GCLC: variants seen among roughly 807,000 people sequenced by gnomAD.
GCLC encodes the protein glutamate-cysteine ligase catalytic subunit.
In GCLC, 30 loss-of-function variants were observed where a neutral mutation model predicts 81.5. That is an observed-to-expected ratio of 0.37 (90% CI 0.28 to 0.50). The LOEUF is 0.50. Ranked by LOEUF, GCLC falls within the 20% of genes least tolerant of loss-of-function variation. The probability of loss-of-function intolerance (pLI) is 0.96; values close to 1 mark genes in which losing one functional copy is unlikely to be tolerated. For missense variants in GCLC, 556 were observed against 777.4 expected (o/e 0.72, Z 3.39); for synonymous variants, 262 against 273.3 (o/e 0.96, Z 0.41).
At chr6:53,533,761 C>T (rs502862) in intron 1 of GCLC, among the ~76,000 whole-genome samples, 95,745 of 151,178 alleles carry the variant, frequency 0.63, 30,774 homozygotes, top group African/African-American at 0.73. Context: ...AATGAGGAAA[C>T]TGTGGTCCAA....
intron 3 of GCLC, 86 bp downstream of exon 3, chr6:53,520,692 A>C: frequency 9.5e-7 from 1 of 1,047,160 alleles, no homozygotes; most frequent in Non-Finnish European, 1.5e-6. Flanking sequence ...GAGGATTGTA[A>C]GGTGGAATGC....
At chr6:53,521,871 G>A (rs1350718565) in intron 2 of GCLC, among the ~76,000 whole-genome samples, 1 of 152,186 alleles carries the variant, frequency 6.6e-6, no homozygotes, top group Non-Finnish European at 1.5e-5. Context: ...CTACTCGGGA[G>A]GGTGAGGCAG....
At position 53,498,639 on chromosome 6, in the gene GCLC, G is replaced by A. The variant is rs940483223; in HGVS notation, c.*117C>T. The A allele has an allele frequency of 9.2e-6, 7 of 759,522 alleles. No individual in the cohort carries two copies. The East Asian group carries it at 1.8e-4, about 19-fold the overall frequency. The allele number at this position is 759,522 out of a possible 1,614,324, so 47.0% of individuals were successfully genotyped here. A position where few individuals can be genotyped will look rare whatever the true frequency, so the allele number is the denominator to read the frequency against. ...AGCCTTAATCAATTTCTGGCTCACT[G>A]GCCCAGAAAACAGTACAGTTCTATC... On this transcript the variant is annotated 3_prime_UTR_variant, in exon 16 of 16. Transcript: ENST00000650454.
chr6:53,500,509 T>C lies in GCLC; in HGVS notation c.1400A>G (p.Asp467Gly). 6.2e-7 allele frequency: 1 copy of C among 1,606,004 alleles called. No homozygotes were observed. The highest frequency in any genetic ancestry group is 8.5e-7 in the Non-Finnish European group (1 of 1,173,274). Reference protein sequence around the residue: ...LDFLIPLSKVDENMKVAQKRD... With the variant: ...LDFLIPLSKVGENMKVAQKRD... ...TTTCTGTGCTACCTTCATGTTCTCATCAACCTAAGGGAAAAAAAGAATCAC... is the reference window on the plus strand; with the variant it reads ...TTTCTGTGCTACCTTCATGTTCTCACCAACCTAAGGGAAAAAAAGAATCAC... The change falls in exon 13 of 16, where the codon GAT becomes GGT. Residue 467 changes from aspartate (D) to glycine (G), a missense_variant. This residue lies in a region of GCLC where 313 missense variants were observed against 437.3 expected (regional missense o/e 0.72). Coordinates refer to ENST00000650454, the MANE Select transcript of GCLC (RefSeq NM_001498.4).
intron 3 of GCLC, among the ~76,000 whole-genome samples, chr6:53,517,987 C>G (rs1490283612): frequency 6.6e-6 from 1 of 152,184 alleles, no homozygotes; most frequent in Admixed American, 6.5e-5. Context: ...ACCCTGTTTA[C>G]ACTTAAGAAC....
At chr6:53,515,481 T>C (rs1320497530) in intron 4 of GCLC, among the ~76,000 whole-genome samples, 3 of 152,238 alleles carry the variant, frequency 2.0e-5, no homozygotes, top group Non-Finnish European at 4.4e-5. Flanking sequence ...ATAGCAAACG[T>C]GAGGGCCTGT....
chr6:53,499,915 G>A (rs1764472665), intron 15 of GCLC, 130 bp downstream of exon 15: 1 of 717,144 alleles, frequency 1.4e-6, no homozygotes, highest in Admixed American at 2.2e-5. Flanking sequence ...GAATACAATT[G>A]CAGAAATATA....
chr6:53,540,926 G>A (rs1763342825), intron 1 of GCLC, among the ~76,000 whole-genome samples: 1 of 152,174 alleles, frequency 6.6e-6, no homozygotes, highest in Non-Finnish European at 1.5e-5. Flanking sequence ...AAGAGATGTA[G>A]AGAGGTGGCC....
Position 53,522,357 on chromosome 6 carries a change from C to A in GCLC, c.263+58G>T. 3 of 998,218 alleles carry A rather than the reference C, an allele frequency of 3.0e-6. No individual in the cohort carries two copies. The South Asian group carries it at 3.8e-5, about 13-fold the overall frequency. 61.8% of individuals were successfully genotyped at this position (998,218 alleles called of 1,614,324 possible). ...TGCCTCCAATAATTGAGAAAAAACT[C>A]TATATTCTAGAAGTTTTAGCAGTTT... On this transcript the variant is annotated intron_variant, in intron 2 of 15. Coordinates refer to ENST00000650454, the MANE Select transcript of GCLC (RefSeq NM_001498.4).
At chr6:53,533,128 T>C (rs1333845207) in intron 1 of GCLC, among the ~76,000 whole-genome samples, 1 of 152,208 alleles carries the variant, frequency 6.6e-6, no homozygotes. Context: ...GATTAAGTCA[T>C]CACTCATTCA....
At chr6:53,518,091 A>G (rs1401928995) in intron 3 of GCLC, among the ~76,000 whole-genome samples, 1 of 152,124 alleles carries the variant, frequency 6.6e-6, no homozygotes, top group Non-Finnish European at 1.5e-5. Context: ...TAAATAACTA[A>G]TAATTATTGT....
chr6:53,540,373 C>A (rs192931695), intron 1 of GCLC, among the ~76,000 whole-genome samples: 1 of 149,272 alleles, frequency 6.7e-6, no homozygotes, highest in Non-Finnish European at 1.5e-5. Flanking sequence ...ATTTAGATGA[C>A]CCTTGAGGAC....
At chr6:53,524,555 C>T (rs1763050661) in intron 1 of GCLC, among the ~76,000 whole-genome samples, 1 of 152,148 alleles carries the variant, frequency 6.6e-6, no homozygotes, top group South Asian at 2.1e-4. Flanking sequence ...AGGACGGAAC[C>T]CACTTACTCT....
At chr6:53,503,944 C>T in intron 12 of GCLC, among the ~76,000 whole-genome samples, 1 of 152,126 alleles carries the variant, frequency 6.6e-6, no homozygotes, top group East Asian at 1.9e-4. Context: ...GAATACTCAC[C>T]ATTAAATAAG....
chr6:53,523,925 T>G (rs1304510005), intron 1 of GCLC: 1 of 150,916 alleles, frequency 6.6e-6, no homozygotes. Context: ...ACCAGAAACA[T>G]GAGATCTCCA....
chr6:53,525,103 T>A (rs758920527), intron 1 of GCLC, among the ~76,000 whole-genome samples: 1 of 152,230 alleles, frequency 6.6e-6, no homozygotes, highest in Admixed American at 6.5e-5. Flanking sequence ...TTCAATAGAA[T>A]AATCATCAGT....
In GCLC at chr6:53,505,912, G is replaced by A. The variant is rs1317817263; in HGVS notation, c.1198-17C>T. The A allele has an allele frequency of 1.3e-6, 2 of 1,535,150 alleles. No homozygotes were observed. Among genetic ancestry groups the A allele is most frequent in the African/African-American group, 2.7e-5 (2 of 73,418 alleles). The stretch of plus-strand genomic sequence containing the variant: ...CTGAATATTCTGTGATACAAAAGCA[G>A]AGAAGAAAACCAACTTTTCACACAT... On this transcript the variant is annotated splice_polypyrimidine_tract_variant and intron_variant, in intron 10 of 15. Transcript: ENST00000650454.
chr6:53,503,641 A>G (rs1035305298), intron 12 of GCLC, among the ~76,000 whole-genome samples: 1 of 152,038 alleles, frequency 6.6e-6, no homozygotes, highest in African/African-American at 2.4e-5. Flanking sequence ...TCCTGTCCGG[A>G]CAGTTAATTT....
intron 8 of GCLC, 136 bp downstream of exon 8, chr6:53,508,459 C>A: frequency 2.7e-6 from 2 of 739,512 alleles, no homozygotes; most frequent in Non-Finnish European, 5.0e-6. Context: ...TAAAAATTAA[C>A]TCCCCACCTA....
Sources: gnomAD v4.1 joint callset for allele counts (sites outside exome capture counted in the v4.1 genomes callset) on GRCh38, gnomAD v4.1.1 for gene constraint, gnomAD v4.1.1 regional missense constraint, MANE v1.5 for transcripts, NCBI Gene and HGNC (gene_info 2026-07-23, HGNC 2026-07-21) for gene names.